Variants in NCAM1 observed in about 807,000 individuals in gnomAD.
NCAM1 encodes the protein neural cell adhesion molecule 1, also known as antigen recognized by monoclonal antibody 5.1H11.
NCAM1 carries 14 observed loss-of-function variants against 109.8 expected under a neutral mutation model. The ratio of observed to expected loss-of-function variants is 0.13; its 90% CI spans 0.08 to 0.20. NCAM1 has a LOEUF of 0.20. Ranked by LOEUF, NCAM1 falls within the 10% of genes least tolerant of loss-of-function variation. The pLI is 1.00. For synonymous variants in NCAM1, 418 were observed against 442.9 expected (o/e 0.94, Z 0.70); for missense variants, 774 against 1,109.9 (o/e 0.70, Z 4.30).
At position 113,124,864 on chromosome 11, in the gene NCAM1, G is replaced by C. The variant is rs139836454; in HGVS notation, c.53-77515G>C. 7.2e-4 allele frequency among the ~76,000 whole-genome samples: 109 copies of C among 152,324 alleles called. 2 individuals are homozygous for C. Among genetic ancestry groups the C allele is most frequent in the African/African-American group, 2.5e-3 (104 of 41,570 alleles). Reference sequence around the variant, plus strand: ...GACACTTCTGCTAAATTTCTCAGCAGTACATTGAATGTATATTTAACGTGT... The same window carrying C: ...GACACTTCTGCTAAATTTCTCAGCACTACATTGAATGTATATTTAACGTGT... On this transcript the variant is annotated intron_variant, in intron 1 of 19. Transcript: ENST00000316851.
chr11:113,116,822 G>C (rs1184860336), intron 1 of NCAM1, among the ~76,000 whole-genome samples: 1 of 151,706 alleles, frequency 6.6e-6, no homozygotes, highest in African/African-American at 2.4e-5. Context: ...ACTGTGTTTT[G>C]GGAAAGGGTC....
chr11:113,196,983 C>CAA (rs1565492704), intron 1 of NCAM1, among the ~76,000 whole-genome samples: 1 of 152,120 alleles, frequency 6.6e-6, no homozygotes, highest in Non-Finnish European at 1.5e-5. Context: ...GGGAAACTTA[C>CAA]AATCATGGTG....
chr11:113,112,666 G>A (rs1940497471), intron 1 of NCAM1, among the ~76,000 whole-genome samples: 1 of 152,204 alleles, frequency 6.6e-6, no homozygotes, highest in Non-Finnish European at 1.5e-5. Flanking sequence ...CAAACATTAT[G>A]AGAGTGTCTT....
chr11:113,095,954 A>G (rs574802239), intron 1 of NCAM1, among the ~76,000 whole-genome samples: 20 of 152,152 alleles, frequency 1.3e-4, no homozygotes, highest in Non-Finnish European at 2.9e-4. Context: ...CGTAAATGGA[A>G]TATCTAGTAT....
At chr11:113,211,208 A>G (rs1458538866) in intron 7 of NCAM1, among the ~76,000 whole-genome samples, 3 of 152,028 alleles carry the variant, frequency 2.0e-5, no homozygotes, top group Non-Finnish European at 4.4e-5. Context: ...CCAACTTGCC[A>G]TTGTGGCCCA....
At chr11:113,005,578 C>T (rs1429011837) in intron 1 of NCAM1, among the ~76,000 whole-genome samples, 1 of 152,136 alleles carries the variant, frequency 6.6e-6, no homozygotes, top group African/African-American at 2.4e-5. Flanking sequence ...CATTTCTGTT[C>T]ATACCTTTTT....
chr11:113,235,394 G>A (rs560538902), intron 14 of NCAM1: 10 of 905,066 alleles, frequency 1.1e-5, no homozygotes, highest in South Asian at 6.5e-5. Context: ...CCTAGTAGCC[G>A]GTCCAGCTTG....
At chr11:113,254,216 T>C (rs1224364616) in intron 15 of NCAM1, among the ~76,000 whole-genome samples, 9 of 152,224 alleles carry the variant, frequency 5.9e-5, no homozygotes, top group Non-Finnish European at 1.3e-4. Context: ...TATTTTCCAC[T>C]GAATAGTTGT....
At chr11:113,242,911 G>A in intron 14 of NCAM1, 1 of 1,612,828 alleles carries the variant, frequency 6.2e-7, no homozygotes, top group East Asian at 2.2e-5. Flanking sequence ...CCGACTTCTA[G>A]ATTACAGCGC....
At chr11:113,131,013 A>C (rs1941362853) in intron 1 of NCAM1, among the ~76,000 whole-genome samples, 2 of 152,112 alleles carry the variant, frequency 1.3e-5, no homozygotes, top group African/African-American at 4.8e-5. Context: ...CCTCTGGAAA[A>C]ATTTGCTTCC....
At chr11:113,012,015 T>TTCTTTCCTTCCTTC (rs1555074534) in intron 1 of NCAM1, among the ~76,000 whole-genome samples, 1 of 97,720 alleles carries the variant, frequency 1.0e-5, no homozygotes, top group Non-Finnish European at 2.1e-5. Flanking sequence ...TTCCTTCCTT[T>TTCTTTCCTTCCTTC]CTTTCCTCTT....
chr11:113,259,410 G>A (rs1945922302), intron 16 of NCAM1, among the ~76,000 whole-genome samples: 1 of 152,198 alleles, frequency 6.6e-6, no homozygotes, highest in African/African-American at 2.4e-5. Flanking sequence ...AGGAAGGTGA[G>A]TCAGCCACTT....
At chr11:113,161,163 G>A (rs1278255176) in intron 1 of NCAM1, among the ~76,000 whole-genome samples, 1 of 152,186 alleles carries the variant, frequency 6.6e-6, no homozygotes, top group East Asian at 1.9e-4. Context: ...TAGGAGAAAA[G>A]AGAGTAGGGA....
chr11:113,026,439 C>G (rs1340422864), intron 1 of NCAM1, among the ~76,000 whole-genome samples: 2 of 152,160 alleles, frequency 1.3e-5, no homozygotes, highest in Non-Finnish European at 2.9e-5. Context: ...TCCCTGCATG[C>G]CGTGTAGACA....
chr11:113,166,745 A>G (rs1407898230), intron 1 of NCAM1, among the ~76,000 whole-genome samples: 2 of 152,132 alleles, frequency 1.3e-5, no homozygotes, highest in African/African-American at 4.8e-5. Flanking sequence ...TCAGGCAAGT[A>G]TAGTTGTCAC....
intron 1 of NCAM1, among the ~76,000 whole-genome samples, chr11:113,098,097 TAG>T (rs1939692115): frequency 6.6e-6 from 1 of 152,188 alleles, no homozygotes. Context: ...TGAGCCCACT[TAG>T]GATACTAAGT....
At chr11:113,163,259 G>A (rs1555104719) in intron 1 of NCAM1, among the ~76,000 whole-genome samples, 1 of 152,100 alleles carries the variant, frequency 6.6e-6, no homozygotes, top group East Asian at 1.9e-4. Flanking sequence ...TTTTCTGTCT[G>A]TAAAATAAAT....
intron 1 of NCAM1, among the ~76,000 whole-genome samples, chr11:113,113,521 G>C (rs1180117018): frequency 6.6e-6 from 1 of 152,146 alleles, no homozygotes; most frequent in Non-Finnish European, 1.5e-5. Context: ...TCCTTGGAAT[G>C]TTCTGATTTA....
At chr11:113,005,938 A>G (rs1951884846) in intron 1 of NCAM1, among the ~76,000 whole-genome samples, 2 of 152,174 alleles carry the variant, frequency 1.3e-5, no homozygotes, top group Non-Finnish European at 2.9e-5. Context: ...TCTCCAGTGT[A>G]GAACTTCAAC....
Sources: gnomAD v4.1 joint callset for allele counts (sites outside exome capture counted in the v4.1 genomes callset) on GRCh38, gnomAD v4.1.1 for gene constraint, MANE v1.5 for transcripts, NCBI Gene and HGNC (gene_info 2026-07-23, HGNC 2026-07-21) for gene names.